The following GCNT3 variants were observed in gnomAD, a reference collection of about 807,000 sequenced individuals.
GCNT3 encodes beta-1,3-galactosyl-O-glycosyl-glycoprotein beta-1,6-N-acetylglucosaminyltransferase 3.
For missense variants in GCNT3, 708 were observed against 530.3 expected, an observed-to-expected ratio of 1.34 and a Z score of -3.29; for synonymous variants, 269 against 195.2, an observed-to-expected ratio of 1.38 and a Z score of -3.15.
chr15:59,618,690 G>A lies in GCNT3; in HGVS notation c.452G>A (p.Arg151Gln), dbSNP rs755208383. 2.0e-5 allele frequency: 33 copies of A among 1,614,116 alleles called. No individual in the cohort carries two copies. In the Middle Eastern group the frequency reaches 4.9e-4, roughly 24 times the overall value. ...EKIENFERLL[R>Q]AVYAPQNIYC... The stretch of plus-strand genomic sequence containing the variant: ...ATTGAAAACTTTGAAAGGCTACTGC[G>A]AGCTGTGTATGCCCCTCAGAACATA... Residue 151 changes from arginine (R) to glutamine (Q), a missense_variant, in exon 3 of 3, where the codon CGA becomes CAA. Coordinates refer to ENST00000396065, the MANE Select transcript of GCNT3 (RefSeq NM_004751.3).
Position 59,621,593 on chromosome 15 carries a change from T to TTTTTTG in GCNT3, c.*2043_*2044insGTTTTT, listed in dbSNP as rs1890934139. On this transcript the variant is annotated 3_prime_UTR_variant, in exon 3 of 3. Coordinates refer to ENST00000396065, the MANE Select transcript of GCNT3 (RefSeq NM_004751.3). ...TATGTTTCTTCCTTTCTGATTTTTGTTTTTTTTTTTTTTTTTGAGACAGAG... is the reference window on the plus strand; with the variant it reads ...TATGTTTCTTCCTTTCTGATTTTTGTTTTTTGTTTTTTTTTTTTTTTTGAGACAGAG... 2 of 107,604 alleles carry TTTTTTG rather than the reference T, an allele frequency of 1.9e-5. No homozygotes were observed. The highest frequency in any genetic ancestry group is 9.3e-5 in the Admixed American group (1 of 10,760). The allele number at this position is 107,604 out of a possible 1,614,324, so 6.7% of individuals were successfully genotyped here.
intron 2 of GCNT3, among the ~76,000 whole-genome samples, chr15:59,617,500 C>G (rs780801657): frequency 6.6e-6 from 1 of 152,100 alleles, no homozygotes; most frequent in African/African-American, 2.4e-5. Flanking sequence ...ATAAATATTT[C>G]TCACCCACAA....
intron 2 of GCNT3, 151 bp from the exon 3 acceptor site, chr15:59,618,028 A>G (rs1445085020): frequency 9.2e-6 from 4 of 432,836 alleles, no homozygotes; most frequent in Non-Finnish European, 1.2e-5. Flanking sequence ...ACAGATCTCC[A>G]TCAACAAACC....
chr15:59,615,881 C>G (rs2082717474), intron 1 of GCNT3, among the ~76,000 whole-genome samples: 1 of 152,112 alleles, frequency 6.6e-6, no homozygotes, highest in African/African-American at 2.4e-5. Flanking sequence ...GAGCCAGATA[C>G]TTTGTAAAAA....
In GCNT3 at chr15:59,611,933, C is replaced by G. The variant is rs1205846101; in HGVS notation, c.-299C>G. On this transcript the variant is annotated 5_prime_UTR_variant, in exon 1 of 3. Coordinates refer to ENST00000396065, the MANE Select transcript of GCNT3 (RefSeq NM_004751.3). ...AAGGGAAACAGATGAAGAACATGAC[C>G]TCAAGGAGCTTCCTGTCAATGAGAA... 1 of 152,176 alleles carries G rather than the reference C, an allele frequency of 6.6e-6. No homozygotes were observed. Among genetic ancestry groups the G allele is most frequent in the Non-Finnish European group, 1.5e-5 (1 of 68,056 alleles). 9.4% of individuals were successfully genotyped at this position (152,176 alleles called of 1,614,324 possible). A position where few individuals can be genotyped will look rare whatever the true frequency, so the allele number is the denominator to read the frequency against.
Position 59,622,424 on chromosome 15 carries a change from A to T in GCNT3, c.*2869A>T, listed in dbSNP as rs1890953389. 1 of 152,166 alleles carries T rather than the reference A, an allele frequency of 6.6e-6. No individual in the cohort carries two copies. Among genetic ancestry groups the T allele is most frequent in the South Asian group, 2.1e-4 (1 of 4,832 alleles). The allele number at this position is 152,166 out of a possible 1,614,324, so 9.4% of individuals were successfully genotyped here. A position where few individuals can be genotyped will look rare whatever the true frequency, so the allele number is the denominator to read the frequency against. ...ATAGAGTCCTATTCACTTTGCTCCCAACCCCACTACGGAGATGACTGATGA... is the reference window on the plus strand; with the variant it reads ...ATAGAGTCCTATTCACTTTGCTCCCTACCCCACTACGGAGATGACTGATGA... On this transcript the variant is annotated 3_prime_UTR_variant, in exon 3 of 3. Transcript: ENST00000396065.
rs1410413526 is a variant in GCNT3, at chr15:59,619,397, C to A, written c.1159C>A (p.Gln387Lys). The A allele has an allele frequency of 6.2e-7, 1 of 1,613,990 alleles. No individual in the cohort carries two copies. Among genetic ancestry groups the A allele is most frequent in the Non-Finnish European group, 8.5e-7 (1 of 1,180,034 alleles). Residue 387 changes from glutamine to lysine, a missense_variant, in exon 3 of 3, where the codon CAG becomes AAG. By Grantham distance (53) the Gln-to-Lys change is moderately conservative. Coordinates refer to ENST00000396065, the MANE Select transcript of GCNT3 (RefSeq NM_004751.3). ...APYAPCSGIHQRAICVYGAGD... is the reference protein window; with the variant it reads ...APYAPCSGIHKRAICVYGAGD... ...TTATGCTCCCTGCTCTGGAATCCAC[C>A]AGCGGGCTATCTGCGTTTATGGGGC... is the stretch of plus-strand genomic sequence containing the variant.
In GCNT3 at chr15:59,618,645, C is replaced by A; in HGVS notation, c.407C>A (p.Ser136Tyr). Residue 136 changes from serine (S) to tyrosine (Y), a missense_variant, in exon 3 of 3, where the codon TCT (serine) becomes TAT (tyrosine). Ser to Tyr is a moderately radical substitution (Grantham distance 144, BLOSUM62 -2). Transcript: ENST00000396065. ...GAGGTGGAGTTCCCTATTGCATACT[C>A]TATGGTGATTCATGAGAAGATTGAA... ...KEEVEFPIAY[S>Y]MVIHEKIENF... 3 of 1,614,154 alleles carry A rather than the reference C, an allele frequency of 1.9e-6. No individual in the cohort carries two copies. In the South Asian group the frequency reaches 3.3e-5, roughly 18 times the overall value.
At chr15:59,613,572 AT>A (rs1448548725) in intron 1 of GCNT3, among the ~76,000 whole-genome samples, 205 of 139,172 alleles carry the variant, frequency 1.5e-3, no homozygotes, top group Non-Finnish European at 2.2e-3. Flanking sequence ...AAATAAATAA[AT>A]AAATAAAAAT....
rs894572222 is a variant in GCNT3, at chr15:59,621,485, T to C, written c.*1930T>C. ...AGTACAGCTCATCTTCTGCATACGA[T>C]ATGCCCTGGAAAGGTGATTTATATG... On this transcript the variant is annotated 3_prime_UTR_variant, in exon 3 of 3. Coordinates refer to ENST00000396065, the MANE Select transcript of GCNT3 (RefSeq NM_004751.3). The C allele has an allele frequency of 6.6e-6, 1 of 150,626 alleles. No individual in the cohort carries two copies. The highest frequency in any genetic ancestry group is 2.4e-5 in the African/African-American group (1 of 41,206). The allele number at this position is 150,626 out of a possible 1,614,324, so 9.3% of individuals were successfully genotyped here.
Position 59,619,308 on chromosome 15 carries a change from T to G in GCNT3, c.1070T>G (p.Met357Arg). 6.2e-7 allele frequency: 1 copy of G among 1,614,024 alleles called. No individual in the cohort carries two copies. Among genetic ancestry groups the G allele is most frequent in the Non-Finnish European group, 8.5e-7 (1 of 1,180,000 alleles). Residue 357 changes from methionine to arginine, a missense_variant, in exon 3 of 3, where the codon ATG (methionine) becomes AGG (arginine). Physicochemically the swap from Met to Arg is moderately conservative, Grantham distance 91. Transcript: ENST00000396065. Reference sequence around the variant, plus strand: ...CACCCCAAGTACGACATCTCAGACATGACTTCTATTGCCAGGCTGGTCAAG... The same window carrying G: ...CACCCCAAGTACGACATCTCAGACAGGACTTCTATTGCCAGGCTGGTCAAG... ...PNHPKYDISD[M>R]TSIARLVKWQ...
rs142393489 is a variant in GCNT3, at chr15:59,619,251, G to C, written c.1013G>C (p.Arg338Pro). ...PDEHLWATLQ[R>P]ARWMPGSVPN... Reference sequence around the variant, plus strand: ...GAACACCTCTGGGCCACCCTTCAGCGTGCACGGTGGATGCCTGGCTCTGTT... The same window carrying C: ...GAACACCTCTGGGCCACCCTTCAGCCTGCACGGTGGATGCCTGGCTCTGTT... Residue 338 changes from arginine to proline, a missense_variant, in exon 3 of 3, where the codon CGT (arginine) becomes CCT (proline). Arg to Pro is a moderately radical substitution (Grantham distance 103, BLOSUM62 -2). Coordinates refer to ENST00000396065, the MANE Select transcript of GCNT3 (RefSeq NM_004751.3). 1.2e-5 allele frequency: 19 copies of C among 1,613,930 alleles called. No individual in the cohort carries two copies. Among genetic ancestry groups the C allele is most frequent in the Admixed American group, 1.7e-5 (1 of 59,990 alleles).
rs1477573458 is a variant in GCNT3, at chr15:59,618,395, A to G, written c.157A>G (p.Arg53Gly). 6.2e-7 allele frequency: 1 copy of G among 1,614,170 alleles called. No homozygotes were observed. Among genetic ancestry groups the G allele is most frequent in the Non-Finnish European group, 8.5e-7 (1 of 1,180,002 alleles). ...CAGGGAATCTCAAAGCCAGTACTGT[A>G]GGAATATCTTGTATAATTTCCTGAA... ...ESRESQSQYC[R>G]NILYNFLKLP... Residue 53 changes from arginine (R) to glycine (G), a missense_variant, in exon 3 of 3, where the codon AGG becomes GGG. Physicochemically the swap from Arg to Gly is moderately radical, Grantham distance 125. Transcript: ENST00000396065.
intron 1 of GCNT3, among the ~76,000 whole-genome samples, chr15:59,614,303 G>A (rs1488378651): frequency 6.6e-6 from 1 of 152,180 alleles, no homozygotes; most frequent in Non-Finnish European, 1.5e-5. Flanking sequence ...TAGGGGTGCA[G>A]ATGACCCTGT....
Position 59,619,916 on chromosome 15 carries a change from T to C in GCNT3, c.*361T>C, listed in dbSNP as rs1463238250. 1.0e-5 allele frequency: 2 copies of C among 198,256 alleles called. No individual in the cohort carries two copies. The highest frequency in any genetic ancestry group is 2.4e-5 in the African/African-American group (1 of 42,410). 12.3% of individuals were successfully genotyped at this position (198,256 alleles called of 1,614,324 possible). The stretch of plus-strand genomic sequence containing the variant: ...TCTGTGGAGCTGCCGTTCCTAATAA[T>C]TCCAGGTTTGGTAGCGTGGAGGAGA... On this transcript the variant is annotated 3_prime_UTR_variant, in exon 3 of 3. Transcript: ENST00000396065.
At position 59,620,215 on chromosome 15, in the gene GCNT3, T is replaced by C. The variant is rs2082741342; in HGVS notation, c.*660T>C. On this transcript the variant is annotated 3_prime_UTR_variant, in exon 3 of 3. Transcript: ENST00000396065. The stretch of plus-strand genomic sequence containing the variant: ...CAGAGTCTTGCTCTGTCACCCAGGC[T>C]GGACTGCAGTAGTGCAATCTCAGTT... 6.1e-6 allele frequency: 1 copy of C among 164,890 alleles called. No homozygotes were observed. The highest frequency in any genetic ancestry group is 1.5e-5 in the Non-Finnish European group (1 of 68,170). The allele number at this position is 164,890 out of a possible 1,614,324, so 10.2% of individuals were successfully genotyped here.
rs1448481647 is a variant in GCNT3, at chr15:59,619,447, A to G, written c.1209A>G (p.Gln403=). The change falls in exon 3 of 3, where the codon CAA becomes CAG. Residue 403 remains glutamine (Q), a synonymous_variant. Coordinates refer to ENST00000396065, the MANE Select transcript of GCNT3 (RefSeq NM_004751.3). ...YGAGDLNWML[Q]NHHLLANKFD... Reference sequence around the variant, plus strand: ...CTGGGGACTTGAATTGGATGCTTCAAAACCATCACCTGTTGGCCAACAAGT... The same window carrying G: ...CTGGGGACTTGAATTGGATGCTTCAGAACCATCACCTGTTGGCCAACAAGT... The G allele has an allele frequency of 4.3e-6, 7 of 1,614,154 alleles. No individual in the cohort carries two copies. Among genetic ancestry groups the G allele is most frequent in the Non-Finnish European group, 5.9e-6 (7 of 1,180,008 alleles).
intron 1 of GCNT3, 77 bp from the exon 2 acceptor site, chr15:59,616,615 C>G (rs1282076824): frequency 6.6e-6 from 1 of 152,216 alleles, no homozygotes; most frequent in South Asian, 2.1e-4. Flanking sequence ...CATGATTTCT[C>G]TGAGCTTGCT....
At chr15:59,614,205 T>G (rs913519419) in intron 1 of GCNT3, among the ~76,000 whole-genome samples, 33 of 152,288 alleles carry the variant, frequency 2.2e-4, no homozygotes, top group African/African-American at 7.9e-4. Context: ...CCCATAATCA[T>G]TCTTGTCCCA....
Sources: allele counts gnomAD v4.1 joint callset (sites outside exome capture counted in the v4.1 genomes callset), GRCh38; gene constraint gnomAD v4.1.1; transcripts MANE v1.5; gene names NCBI Gene and HGNC (gene_info 2026-07-23, HGNC 2026-07-21).